RYR3: variants seen among roughly 807,000 people sequenced by gnomAD.
RYR3 encodes the protein ryanodine receptor 3.
In RYR3, 207 loss-of-function variants were observed where a neutral mutation model predicts 584.3. The observed-to-expected ratio is 0.35, with a 90% CI of 0.32 to 0.40. RYR3 has a LOEUF of 0.40. Ranked by LOEUF, RYR3 falls within the 10% of genes least tolerant of loss-of-function variation. The pLI is 1.00. For missense variants in RYR3, 5,616 were observed against 6,089.2 expected (o/e 0.92, Z 2.59); for synonymous variants, 2,416 against 2,248.5 (o/e 1.07, Z -2.11).
At chr15:33,331,390 C>G (rs771757982) in intron 1 of RYR3, among the ~76,000 whole-genome samples, 10 of 152,094 alleles carry the variant, frequency 6.6e-5, no homozygotes, top group Non-Finnish European at 1.2e-4. Flanking sequence ...AGGTAGATCA[C>G]TAGCTAATTC....
In RYR3 at chr15:33,481,789, CTTTTTT is replaced by C. The variant is rs59354808; in HGVS notation, c.171+8266_171+8271del. Among the ~76,000 whole-genome samples the C allele has an allele frequency of 5.4e-3, 756 of 139,332 alleles. 9 individuals are homozygous for C. Among genetic ancestry groups the C allele is most frequent in the African/African-American group, 0.018 (708 of 38,486 alleles). The allele number at this position is 139,332 out of a possible 152,430, so 91.4% of individuals were successfully genotyped here. ...GAGCCACCAGGCCTGGCCTTGAATA[CTTTTTT>C]TTTTTTTTTTTTTTAGTAATTAAAA... On this transcript the variant is annotated intron_variant, in intron 2 of 103. Coordinates refer to ENST00000634891, the MANE Select transcript of RYR3 (RefSeq NM_001036.6).
At chr15:33,820,499 C>G (rs1217148031) in intron 77 of RYR3, among the ~76,000 whole-genome samples, 1 of 152,194 alleles carries the variant, frequency 6.6e-6, no homozygotes, top group Admixed American at 6.5e-5. Flanking sequence ...TGTGGTTAAA[C>G]CAGCTAGGTC....
intron 1 of RYR3, among the ~76,000 whole-genome samples, chr15:33,427,494 AT>A (rs895275378): frequency 2.5e-4 from 38 of 152,278 alleles, no homozygotes; most frequent in African/African-American, 8.7e-4. Context: ...TCACAACTAC[AT>A]TTTTTTGTGT....
At chr15:33,753,891 TAAAG>T (rs2071561680) in intron 57 of RYR3, among the ~76,000 whole-genome samples, 1 of 152,034 alleles carries the variant, frequency 6.6e-6, no homozygotes, top group African/African-American at 2.4e-5. Flanking sequence ...ACTGTAATGA[TAAAG>T]GAAGTCAAGG....
At chr15:33,860,512 G>C in intron 100 of RYR3, 83 bp from the exon 101 acceptor site, 1 of 766,584 alleles carries the variant, frequency 1.3e-6, no homozygotes, top group South Asian at 2.6e-5. Flanking sequence ...TTTTTTAACA[G>C]AACAAAGTAG....
Position 33,636,383 on chromosome 15 carries a change from G to T in RYR3, c.3389G>T (p.Arg1130Leu). 3 of 1,613,832 alleles carry T rather than the reference G, an allele frequency of 1.9e-6. No individual in the cohort carries two copies. The highest frequency in any genetic ancestry group is 1.6e-4 in the Middle Eastern group (1 of 6,062). ...AFVFEGNRGQ[R>L]WHQGSGYFGR... ...TAGAGTCTTGTTTTCTAGGGCCAGC[G>T]TTGGCATCAAGGAAGTGGGTATTTT... Residue 1130 changes from arginine (R) to leucine (L), a missense_variant, in exon 27 of 104, where the codon CGT becomes CTT. Arg to Leu is a moderately radical substitution (Grantham distance 102). Transcript: ENST00000634891.
chr15:33,453,885 C>G (rs903953531), intron 1 of RYR3, among the ~76,000 whole-genome samples: 2 of 152,188 alleles, frequency 1.3e-5, no homozygotes, highest in Non-Finnish European at 2.9e-5. Context: ...AACAGTGAGT[C>G]AAACACAGCC....
chr15:33,818,277 G>C (rs965149921), intron 75 of RYR3, among the ~76,000 whole-genome samples: 1 of 152,120 alleles, frequency 6.6e-6, no homozygotes, highest in Non-Finnish European at 1.5e-5. Context: ...GCTGATTGGA[G>C]TCTGTAGCTA....
In RYR3 at chr15:33,488,453, T is replaced by C. The variant is rs539436492; in HGVS notation, c.171+14915T>C. 4.6e-3 allele frequency among the ~76,000 whole-genome samples: 702 copies of C among 152,054 alleles called. 6 individuals are homozygous for C. Among genetic ancestry groups the C allele is most frequent in the Middle Eastern group, 0.02 (6 of 294 alleles). On this transcript the variant is annotated intron_variant, in intron 2 of 103. Transcript: ENST00000634891. ...CTAATTAGATCACAGTCTTGCCTTTTTTTTTTTTTTTTCTGTGATTAGAAC... is the reference window on the plus strand; with the variant it reads ...CTAATTAGATCACAGTCTTGCCTTTCTTTTTTTTTTTTCTGTGATTAGAAC...
intron 67 of RYR3, among the ~76,000 whole-genome samples, chr15:33,799,035 C>T (rs573222884): frequency 1.3e-5 from 2 of 151,796 alleles, no homozygotes; most frequent in East Asian, 3.9e-4. Flanking sequence ...GTTTTTTAGA[C>T]CATTTTGAGA....
chr15:33,327,326 T>C (rs1397333522), intron 1 of RYR3, among the ~76,000 whole-genome samples: 3 of 152,148 alleles, frequency 2.0e-5, no homozygotes, highest in African/African-American at 7.2e-5. Flanking sequence ...GTATGGATCC[T>C]CCACTTCTGG....
intron 3 of RYR3, among the ~76,000 whole-genome samples, chr15:33,513,679 A>G (rs1447055047): frequency 6.6e-6 from 1 of 152,112 alleles, no homozygotes; most frequent in African/African-American, 2.4e-5. Context: ...CTTGTTTCTG[A>G]GTTCCGTGAT....
chr15:33,324,964 G>T (rs563331728), intron 1 of RYR3, among the ~76,000 whole-genome samples: 14 of 152,304 alleles, frequency 9.2e-5, no homozygotes, highest in Non-Finnish European at 1.5e-4. Flanking sequence ...CATCACATAT[G>T]CATTTGCCTG....
chr15:33,386,442 C>T (rs530603408), intron 1 of RYR3, among the ~76,000 whole-genome samples: 1 of 152,286 alleles, frequency 6.6e-6, no homozygotes, highest in South Asian at 2.1e-4. Context: ...TGAGCTGGTG[C>T]ACTCAAATCA....
chr15:33,763,892 C>CAAAAAAAAAAAAAA (rs796878162), intron 60 of RYR3, among the ~76,000 whole-genome samples: 6 of 45,862 alleles, frequency 1.3e-4, no homozygotes, highest in African/African-American at 3.6e-4. Context: ...GACTTCATCT[C>CAAAAAAAAAAAAAA]AAAAAAAAAA....
intron 38 of RYR3, among the ~76,000 whole-genome samples, chr15:33,692,514 C>A (rs147267414): frequency 6.6e-6 from 1 of 152,110 alleles, no homozygotes; most frequent in South Asian, 2.1e-4. Context: ...GAAACATTTT[C>A]CAGTACATAT....
At position 33,838,782 on chromosome 15, in the gene RYR3, A is replaced by G. The variant is rs1457942298; in HGVS notation, c.12802A>G (p.Ile4268Val). 1 of 1,613,984 alleles carries G rather than the reference A, an allele frequency of 6.2e-7. No individual in the cohort carries two copies. The highest frequency in any genetic ancestry group is 8.5e-7 in the Non-Finnish European group (1 of 1,179,888). ...TATCACCACTGAACTAGTACACTTC[A>G]TAAAGGGGGAGAAGGGAGATACAGA... ...PGITTELVHFIKGEKGDTDIM... is the reference protein window; with the variant it reads ...PGITTELVHFVKGEKGDTDIM... The change falls in exon 89 of 104, where the codon ATA (isoleucine) becomes GTA (valine). Residue 4268 changes from isoleucine to valine, a missense_variant. Ile to Val is a conservative substitution (Grantham distance 29, BLOSUM62 3). Coordinates refer to ENST00000634891, the MANE Select transcript of RYR3 (RefSeq NM_001036.6).
At chr15:33,855,049 C>G (rs2079504063) in intron 98 of RYR3, 137 bp downstream of exon 98, 3 of 895,872 alleles carry the variant, frequency 3.3e-6, no homozygotes, top group East Asian at 3.2e-5. Flanking sequence ...AACACTTCAA[C>G]TAATGGTGAT....
At chr15:33,810,690 T>C in intron 71 of RYR3, 41 bp downstream of exon 71, 9 of 1,612,556 alleles carry the variant, frequency 5.6e-6, no homozygotes, top group Non-Finnish European at 6.8e-6. Context: ...GTGATCCACA[T>C]GGTGCAGTGA....
Sources: allele counts gnomAD v4.1 joint callset (sites outside exome capture counted in the v4.1 genomes callset), GRCh38; gene constraint gnomAD v4.1.1; transcripts MANE v1.5; gene names NCBI Gene and HGNC (gene_info 2026-07-23, HGNC 2026-07-21).